The following FSTL4 variants were observed in gnomAD, a reference collection of about 807,000 sequenced individuals.
FSTL4 encodes follistatin like 4, also known as follistatin-related protein 4.
A neutral mutation model predicts 78.2 loss-of-function variants in FSTL4; 28 were observed. The ratio of observed to expected loss-of-function variants is 0.36; its 90% CI spans 0.27 to 0.49. FSTL4 has a LOEUF of 0.49. FSTL4 is among the 20% of genes least tolerant of loss of function. The pLI is 0.98. For missense variants in FSTL4, 922 were observed against 1,084.9 expected (o/e 0.85, Z 2.11); for synonymous variants, 422 against 440.5 (o/e 0.96, Z 0.53).
intron 3 of FSTL4, among the ~76,000 whole-genome samples, chr5:133,464,716 C>T (rs1180125751): frequency 2.6e-5 from 4 of 152,256 alleles, no homozygotes; most frequent in Non-Finnish European, 5.9e-5. Context: ...GGAGGCCACA[C>T]AGAGTCGAGC....
rs1450451642 is a variant in FSTL4, at chr5:133,426,250, C to T, written c.161-25264G>A. ...AGCCTGACCAAAGGAAAGTCTTTGC[C>T]ATGAAGGGAGGACACAGGGAGCAAA... On this transcript the variant is annotated intron_variant, in intron 3 of 15. Coordinates refer to ENST00000265342, the MANE Select transcript of FSTL4 (RefSeq NM_015082.2). The surrounding 1 kb of genome is among the most constrained non-coding windows in gnomAD (Gnocchi z 5.0). Among the ~76,000 whole-genome samples, 3 of 152,136 alleles carry T rather than the reference C, an allele frequency of 2.0e-5. No individual in the cohort carries two copies. Among genetic ancestry groups the T allele is most frequent in the Non-Finnish European group, 4.4e-5 (3 of 68,024 alleles).
chr5:133,450,652 A>G (rs1239072674), intron 3 of FSTL4, among the ~76,000 whole-genome samples: 1 of 152,284 alleles, frequency 6.6e-6, no homozygotes, highest in Admixed American at 6.5e-5. Context: ...ATGTAAGTGC[A>G]GCTGTCCTGA....
intron 4 of FSTL4, among the ~76,000 whole-genome samples, chr5:133,348,620 CTGGGCGGGAG>C (rs1431080850): frequency 6.6e-6 from 1 of 152,190 alleles, no homozygotes; most frequent in Non-Finnish European, 1.5e-5. Context: ...ACGGAGGTGA[CTGGGCGGGAG>C]TGGGCCACTC....
intron 7 of FSTL4, among the ~76,000 whole-genome samples, chr5:133,237,372 C>T (rs1038371731): frequency 2.0e-5 from 3 of 152,188 alleles, no homozygotes; most frequent in African/African-American, 7.2e-5. Flanking sequence ...GTCATTTAAC[C>T]TCACTGTCTG....
intron 3 of FSTL4, among the ~76,000 whole-genome samples, chr5:133,456,096 C>A (rs1757482281): frequency 6.6e-6 from 1 of 152,210 alleles, no homozygotes; most frequent in African/African-American, 2.4e-5. Flanking sequence ...CTGTAAAGAG[C>A]CTCAGCCATG....
rs545806061 is a variant in FSTL4 at position 133,318,123 on chromosome 5, T to C, written c.410-1471A>G. On this transcript the variant is annotated intron_variant, in intron 4 of 15. Coordinates refer to ENST00000265342, the MANE Select transcript of FSTL4 (RefSeq NM_015082.2). The stretch of plus-strand genomic sequence containing the variant: ...TGCCATTTCCTCCTGCATGTTTATT[T>C]AGAAAAAAATCAATTGTTGTGTTCA... Among the ~76,000 whole-genome samples the C allele has an allele frequency of 1.4e-4, 21 of 152,326 alleles. 1 individual carries two copies. In the South Asian group the frequency reaches 3.9e-3, roughly 29 times the overall value.
the FSTL4 span, among the ~76,000 whole-genome samples, chr5:133,649,385 GA>G: frequency 1.3e-5 from 2 of 152,166 alleles, no homozygotes; most frequent in Non-Finnish European, 2.9e-5. Context: ...CAAGGAGTGT[GA>G]TCACTGAATC....
At chr5:133,685,695 A>G in the FSTL4 span, among the ~76,000 whole-genome samples, 10 of 152,218 alleles carry the variant, frequency 6.6e-5, no homozygotes, top group Non-Finnish European at 1.3e-4. Flanking sequence ...TAGTCCTGGA[A>G]GGCTGGGACA....
chr5:133,470,918 A>C (rs1378246717), intron 3 of FSTL4, among the ~76,000 whole-genome samples: 1 of 152,108 alleles, frequency 6.6e-6, no homozygotes, highest in Non-Finnish European at 1.5e-5. Context: ...CAGACACTTT[A>C]AGAGAAAAGT....
intron 4 of FSTL4, among the ~76,000 whole-genome samples, chr5:133,389,152 T>C (rs1561697345): frequency 1.3e-5 from 2 of 152,220 alleles, no homozygotes; most frequent in Non-Finnish European, 2.9e-5. Context: ...CTGTTTCTTG[T>C]AATAATTTTT....
chr5:133,828,465 T>A, the FSTL4 span, among the ~76,000 whole-genome samples: 2 of 152,216 alleles, frequency 1.3e-5, no homozygotes, highest in Non-Finnish European at 2.9e-5. Flanking sequence ...TGCTATTTTT[T>A]AAAAACTGTA....
At chr5:133,234,567 G>A (rs1751599252) in intron 7 of FSTL4, among the ~76,000 whole-genome samples, 1 of 152,196 alleles carries the variant, frequency 6.6e-6, no homozygotes, top group Non-Finnish European at 1.5e-5. Context: ...TCTACAGAGA[G>A]CCCTCATCAG....
Position 133,274,380 on chromosome 5 carries a change from C to T in FSTL4, c.728-24804G>A, listed in dbSNP as rs866991963. 3.6e-3 allele frequency among the ~76,000 whole-genome samples: 256 copies of T among 70,990 alleles called. 1 individual carries two copies. The highest frequency in any genetic ancestry group is 3.8e-3 in the Non-Finnish European group (159 of 41,618). 46.6% of individuals were successfully genotyped at this position (70,990 alleles called of 152,430 possible). On this transcript the variant is annotated intron_variant, in intron 6 of 15. Coordinates refer to ENST00000265342, the MANE Select transcript of FSTL4 (RefSeq NM_015082.2). The stretch of plus-strand genomic sequence containing the variant: ...ATTCTCAGAAAAAGGGCAATCTGTG[C>T]TTTTTTTTTTTTTTTTAGGAGAACA...
rs142113426 is a variant in FSTL4, at chr5:133,441,822, C to G, written c.161-40836G>C. ...CTTCACACAGTAAGTGACTGGCTACCTGGCAAGCCCAGCTTCTCTCTTGCA... is the reference window on the plus strand; with the variant it reads ...CTTCACACAGTAAGTGACTGGCTACGTGGCAAGCCCAGCTTCTCTCTTGCA... On this transcript the variant is annotated intron_variant, in intron 3 of 15. Coordinates refer to ENST00000265342, the MANE Select transcript of FSTL4 (RefSeq NM_015082.2). Among the ~76,000 whole-genome samples the G allele has an allele frequency of 6.6e-4, 101 of 152,322 alleles. 1 individual carries two copies. Among genetic ancestry groups the G allele is most frequent in the African/African-American group, 2.1e-3 (87 of 41,562 alleles).
At chr5:133,590,175 A>G (rs1029242991) in intron 2 of FSTL4, among the ~76,000 whole-genome samples, 1 of 151,924 alleles carries the variant, frequency 6.6e-6, no homozygotes, top group Non-Finnish European at 1.5e-5. Flanking sequence ...GTGCAGTGGC[A>G]TGATCTTCCT....
chr5:133,350,235 C>T (rs1754793764), intron 4 of FSTL4, among the ~76,000 whole-genome samples: 1 of 152,238 alleles, frequency 6.6e-6, no homozygotes, highest in African/African-American at 2.4e-5. Context: ...CTGTAAAAGA[C>T]CCATGGGATG....
At chr5:133,743,173 C>G in the FSTL4 span, among the ~76,000 whole-genome samples, 1 of 152,100 alleles carries the variant, frequency 6.6e-6, no homozygotes, top group Non-Finnish European at 1.5e-5. Context: ...TGGGAAAGAC[C>G]TGAGAGACTG....
intron 2 of FSTL4, among the ~76,000 whole-genome samples, chr5:133,571,427 A>C (rs1015162772): frequency 2.0e-5 from 3 of 152,244 alleles, no homozygotes; most frequent in Admixed American, 6.5e-5. Flanking sequence ...AATGGCTAAA[A>C]TCCAAGAAAA....
chr5:133,325,648 T>A (rs1445869091), intron 4 of FSTL4, among the ~76,000 whole-genome samples: 3 of 151,894 alleles, frequency 2.0e-5, no homozygotes, highest in African/African-American at 7.3e-5. Flanking sequence ...GGGGTGAGGA[T>A]CTCTCTTCCC....
Sources: gnomAD v4.1 joint callset for allele counts (sites outside exome capture counted in the v4.1 genomes callset) on GRCh38, gnomAD v4.1.1 for gene constraint, Gnocchi (gnomAD v3.1) non-coding constraint, MANE v1.5 for transcripts, NCBI Gene and HGNC (gene_info 2026-07-23, HGNC 2026-07-21) for gene names.